Variants in DPY19L2 observed in about 807,000 individuals in gnomAD.
DPY19L2 encodes dpy-19 like 2.
A neutral mutation model predicts 97.9 loss-of-function variants in DPY19L2; 34 were observed. That is an observed-to-expected ratio of 0.35 (90% CI 0.26 to 0.46). The LOEUF is 0.46. Ranked by LOEUF, DPY19L2 falls within the 20% of genes least tolerant of loss-of-function variation. DPY19L2 has a pLI of 1.00. For missense variants in DPY19L2, 623 were observed against 911.4 expected (o/e 0.68, Z 4.07); for synonymous variants, 230 against 307.9 (o/e 0.75, Z 2.65).
intron 6 of DPY19L2, among the ~76,000 whole-genome samples, chr12:63,640,915 C>T (rs530160305): frequency 5.9e-5 from 9 of 152,084 alleles, no homozygotes; most frequent in Non-Finnish European, 1.3e-4. Flanking sequence ...AGTTTTGAGA[C>T]TGAGTCTCGC....
intron 12 of DPY19L2, among the ~76,000 whole-genome samples, chr12:63,607,678 C>G (rs1349160078): frequency 6.6e-6 from 1 of 152,142 alleles, no homozygotes; most frequent in Non-Finnish European, 1.5e-5. Flanking sequence ...TCTTCTGTCA[C>G]CCAGGGTGGA....
intron 6 of DPY19L2, among the ~76,000 whole-genome samples, chr12:63,633,723 C>T (rs2137979554): frequency 6.6e-6 from 1 of 152,196 alleles, no homozygotes; most frequent in Admixed American, 6.5e-5. Flanking sequence ...GGTATATACC[C>T]AAAGGATTAT....
At chr12:63,625,578 T>A (rs554358737) in intron 7 of DPY19L2, among the ~76,000 whole-genome samples, 2 of 152,274 alleles carry the variant, frequency 1.3e-5, no homozygotes, top group Admixed American at 1.3e-4. Flanking sequence ...ATATTTGAAA[T>A]AAGCTTCTAT....
intron 6 of DPY19L2, among the ~76,000 whole-genome samples, chr12:63,631,864 C>T (rs1345326298): frequency 1.3e-5 from 2 of 152,070 alleles, no homozygotes; most frequent in Non-Finnish European, 2.9e-5. Flanking sequence ...AGCTTATCTA[C>T]CATGATCAAG....
At chr12:63,610,863 A>AAAAAAAAAAAAAAAAAAAC (rs1886857854) in intron 11 of DPY19L2, among the ~76,000 whole-genome samples, 1 of 100,560 alleles carries the variant, frequency 9.9e-6, no homozygotes, top group Non-Finnish European at 2.1e-5. Flanking sequence ...AAAAAAAAAA[A>AAAAAAAAAAAAAAAAAAAC]AAAAAAAAAA....
At chr12:63,660,777 T>C (rs1227103555) in intron 4 of DPY19L2, 1 of 152,152 alleles carries the variant, frequency 6.6e-6, no homozygotes, top group Non-Finnish European at 1.5e-5. Context: ...ACAGTAGTAT[T>C]TACCATGGTG....
chr12:63,653,668 CA>C (rs1201051340), intron 4 of DPY19L2, among the ~76,000 whole-genome samples: 3 of 151,954 alleles, frequency 2.0e-5, no homozygotes, highest in Non-Finnish European at 2.9e-5. Flanking sequence ...AAATCTCAAA[CA>C]GAAAAAATCT....
chr12:63,598,270 C>G (rs1259622193), intron 13 of DPY19L2, among the ~76,000 whole-genome samples: 1 of 152,122 alleles, frequency 6.6e-6, no homozygotes, highest in East Asian at 1.9e-4. Flanking sequence ...TTTTACTTAA[C>G]CTCTTTCAAC....
At chr12:63,570,667 GT>G in intron 20 of DPY19L2, 90 bp downstream of exon 20, 2 of 1,030,908 alleles carry the variant, frequency 1.9e-6, no homozygotes, top group Non-Finnish European at 3.0e-6. Context: ...GTGTGTGTGT[GT>G]GTGTGTGTGT....
At chr12:63,630,998 A>G (rs1333294898) in intron 6 of DPY19L2, among the ~76,000 whole-genome samples, 3 of 152,180 alleles carry the variant, frequency 2.0e-5, no homozygotes, top group Admixed American at 6.5e-5. Context: ...AGGCAGGAAT[A>G]AAGATGTTCT....
chr12:63,596,157 T>C (rs1463042500), intron 14 of DPY19L2, 120 bp from the exon 15 acceptor site: 10 of 622,796 alleles, frequency 1.6e-5, no homozygotes, highest in Admixed American at 3.9e-5. Context: ...TAAATTTCTT[T>C]GTCATCAGCA....
At chr12:63,638,235 A>T (rs954876863) in intron 6 of DPY19L2, among the ~76,000 whole-genome samples, 98 of 152,270 alleles carry the variant, frequency 6.4e-4, no homozygotes, top group Admixed American at 6.3e-3. Context: ...ATCTATGACA[A>T]ACCCACAGCC....
chr12:63,617,614 T>C (rs977365317), intron 10 of DPY19L2, among the ~76,000 whole-genome samples: 1 of 151,968 alleles, frequency 6.6e-6, no homozygotes, highest in Non-Finnish European at 1.5e-5. Context: ...ATCTGCTACT[T>C]GGAACAATGA....
chr12:63,629,671 G>A (rs1231478050), intron 6 of DPY19L2, among the ~76,000 whole-genome samples: 4 of 152,230 alleles, frequency 2.6e-5, no homozygotes, highest in African/African-American at 7.2e-5. Context: ...AACTTCCCCA[G>A]TCTAGCAAGG....
At chr12:63,568,010 C>G (rs1878080119) in intron 21 of DPY19L2, among the ~76,000 whole-genome samples, 1 of 151,838 alleles carries the variant, frequency 6.6e-6, no homozygotes, top group African/African-American at 2.4e-5. Context: ...TAGCGGATCT[C>G]TAAGTTAGTA....
intron 20 of DPY19L2, 109 bp downstream of exon 20, chr12:63,570,647 TTG>T (rs34668144): frequency 0.12 from 69,527 of 557,926 alleles, 1,858 homozygotes; most frequent in Middle Eastern, 0.15. Flanking sequence ...GAGGATGAGT[TTG>T]TGTGTGTGTG....
chr12:63,618,490 C>T (rs1888188150), intron 9 of DPY19L2, among the ~76,000 whole-genome samples: 1 of 151,956 alleles, frequency 6.6e-6, no homozygotes, highest in African/African-American at 2.4e-5. Flanking sequence ...CAATCTATAC[C>T]GATGAGCATG....
intron 11 of DPY19L2, among the ~76,000 whole-genome samples, chr12:63,614,165 G>C (rs1324867920): frequency 6.8e-6 from 1 of 147,628 alleles, no homozygotes; most frequent in Non-Finnish European, 1.5e-5. Flanking sequence ...ACTCCAGCCT[G>C]GGCAACAAGA....
intron 19 of DPY19L2, among the ~76,000 whole-genome samples, chr12:63,573,130 C>T (rs1879182831): frequency 6.6e-6 from 1 of 152,154 alleles, no homozygotes; most frequent in East Asian, 1.9e-4. Flanking sequence ...CAATCCTGGA[C>T]AGACAGAGAT....
Sources: allele counts gnomAD v4.1 joint callset (sites outside exome capture counted in the v4.1 genomes callset), GRCh38; gene constraint gnomAD v4.1.1; transcripts MANE v1.5; gene names NCBI Gene and HGNC (gene_info 2026-07-23, HGNC 2026-07-21).